NT5DC3: variants seen among roughly 807,000 people sequenced by gnomAD.
NT5DC3 encodes 5'-nucleotidase domain containing 3.
NT5DC3 carries 42 observed loss-of-function variants against 67.8 expected under a neutral mutation model. The observed-to-expected ratio is 0.62, with a 90% CI of 0.48 to 0.80. The LOEUF (loss-of-function observed/expected upper bound fraction) is 0.80, where lower values mean the gene tolerates loss of function less well. Among genes scored for constraint, NT5DC3 ranks in the 30% least tolerant of loss-of-function variants. The pLI, the probability that NT5DC3 is intolerant of heterozygous loss-of-function variation, is 0.00. For missense variants in NT5DC3, 570 were observed against 696.4 expected, an observed-to-expected ratio of 0.82 and a Z score of 2.04; for synonymous variants, 237 against 255.6, an observed-to-expected ratio of 0.93 and a Z score of 0.69.
chr12:103,817,366 T>G (rs1887308361), intron 1 of NT5DC3, among the ~76,000 whole-genome samples: 1 of 152,226 alleles, frequency 6.6e-6, no homozygotes, highest in Admixed American at 6.5e-5. Context: ...TATGACAGTT[T>G]TTTTTTCACC....
intron 12 of NT5DC3, among the ~76,000 whole-genome samples, chr12:103,784,603 A>G (rs1885688158): frequency 6.6e-6 from 1 of 152,178 alleles, no homozygotes; most frequent in Non-Finnish European, 1.5e-5. Context: ...AAATGTCAGC[A>G]CCCATGCTGA....
the NT5DC3 span, among the ~76,000 whole-genome samples, chr12:103,764,195 C>T: frequency 4.3e-3 from 661 of 152,182 alleles, 8 homozygotes; most frequent in African/African-American, 0.015. Context: ...TCAGGTGATA[C>T]GCCCACCTCG....
rs377748867 is a variant in NT5DC3, at chr12:103,785,328, T to A, written c.1329+7A>T. ...AAAAGTGAGAGAGAAAAATAATATA[T>A]CCAAACCTGCATCTGTTCCAATAAG... is the stretch of plus-strand genomic sequence containing the variant. On this transcript the variant is annotated splice_region_variant and intron_variant, in intron 12 of 13. Transcript: ENST00000392876. 3.0e-5 allele frequency: 48 copies of A among 1,613,632 alleles called. No individual in the cohort carries two copies. In the African/African-American group the frequency reaches 5.3e-4, roughly 18 times the overall value.
chr12:103,791,598 T>G (rs1021385756), intron 9 of NT5DC3, among the ~76,000 whole-genome samples: 1 of 152,130 alleles, frequency 6.6e-6, no homozygotes, highest in African/African-American at 2.4e-5. Flanking sequence ...CACACCTAGG[T>G]AGAACATCCC....
chr12:103,796,907 T>A lies in NT5DC3; in HGVS notation c.740A>T (p.Tyr247Phe), dbSNP rs1437357038. The A allele has an allele frequency of 1.2e-6, 2 of 1,614,068 alleles. No individual in the cohort carries two copies. Among genetic ancestry groups the A allele is most frequent in the Non-Finnish European group, 1.7e-6 (2 of 1,180,026 alleles). Residue 247 changes from tyrosine (Y) to phenylalanine (F), a missense_variant, in exon 6 of 14, where the codon TAC becomes TTC. Tyr to Phe is a conservative substitution (Grantham distance 22). Around this residue, in one of 2 missense-constraint regions of NT5DC3, gnomAD observed 466 missense variants for 608.0 expected, o/e 0.77. Coordinates refer to ENST00000392876, the MANE Select transcript of NT5DC3 (RefSeq NM_001031701.3). ...TGTGGATACAACCTTGACATCTTTGTACAGATGCACAGGCTCATAGTCGAT... is the reference window on the plus strand; with the variant it reads ...TGTGGATACAACCTTGACATCTTTGAACAGATGCACAGGCTCATAGTCGAT... ...NNIDYEPVHL[Y>F]KDVKDSIRDV...
At chr12:103,767,038 AAC>A (rs1457359445), downstream of NT5DC3, 2 of 152,084 alleles carry the variant, frequency 1.3e-5, no homozygotes, top group African/African-American at 4.8e-5. Context: ...AAATAAGTTA[AAC>A]ACAGAGTTAC....
chr12:103,830,150 C>T (rs1361157121), intron 1 of NT5DC3, among the ~76,000 whole-genome samples: 3 of 152,164 alleles, frequency 2.0e-5, no homozygotes, highest in Non-Finnish European at 4.4e-5. Flanking sequence ...CCTACCAATC[C>T]TCGGAGACAG....
chr12:103,806,194 G>A (rs1886793158), intron 4 of NT5DC3, 128 bp downstream of exon 4: 1 of 682,320 alleles, frequency 1.5e-6, no homozygotes, highest in Non-Finnish European at 2.7e-6. Flanking sequence ...ATGCTCTTGA[G>A]TAAGTGAGTG....
At chr12:103,816,375 C>A (rs1253031367) in intron 1 of NT5DC3, among the ~76,000 whole-genome samples, 2 of 152,150 alleles carry the variant, frequency 1.3e-5, no homozygotes, top group Non-Finnish European at 2.9e-5. Context: ...TCAGGTATGT[C>A]CAACCTGTAC....
chr12:103,765,751 A>AGGCTGATCTCAAACTCC (rs1884902053), downstream of NT5DC3, among the ~76,000 whole-genome samples: 1 of 151,482 alleles, frequency 6.6e-6, no homozygotes, highest in Non-Finnish European at 1.5e-5. Context: ...CGTGTTGCTC[A>AGGCTGATCTCAAACTCC]GGCTGATCTC....
At chr12:103,753,517 A>G in the NT5DC3 span, among the ~76,000 whole-genome samples, 1 of 152,288 alleles carries the variant, frequency 6.6e-6, no homozygotes, top group South Asian at 2.1e-4. Context: ...TTGGGCATCT[A>G]TTATGTGTCA....
chr12:103,796,915 C>A lies in NT5DC3; in HGVS notation c.732G>T (p.Val244=), dbSNP rs1566108593. 1.2e-6 allele frequency: 2 copies of A among 1,614,148 alleles called. No homozygotes were observed. Among genetic ancestry groups the A allele is most frequent in the African/African-American group, 2.7e-5 (2 of 75,026 alleles). ...FLKNNIDYEP[V]HLYKDVKDSI... ...CAACCTTGACATCTTTGTACAGATG[C>A]ACAGGCTCATAGTCGATGTTGTTCT... Residue 244 remains valine, a synonymous_variant, in exon 6 of 14, where the codon GTG becomes GTT. Transcript: ENST00000392876.
intron 6 of NT5DC3, among the ~76,000 whole-genome samples, chr12:103,794,456 G>A (rs1288897692): frequency 6.6e-6 from 1 of 152,116 alleles, no homozygotes; most frequent in Admixed American, 6.5e-5. Flanking sequence ...AGCCAATTCT[G>A]GTCCATTTTC....
intron 9 of NT5DC3, among the ~76,000 whole-genome samples, chr12:103,791,256 T>A (rs1886046587): frequency 6.6e-6 from 1 of 152,102 alleles, no homozygotes; most frequent in African/African-American, 2.4e-5. Flanking sequence ...TCACTTTTTA[T>A]AAACATAACA....
chr12:103,748,834 G>A, the NT5DC3 span: 15 of 934,890 alleles, frequency 1.6e-5, no homozygotes, highest in African/African-American at 1.7e-4. Context: ...CATGGAGAGA[G>A]AAGCACGAAC....
chr12:103,780,290 C>A lies in NT5DC3; in HGVS notation c.1394+10G>T. The A allele has an allele frequency of 1.9e-6, 3 of 1,612,110 alleles. No individual in the cohort carries two copies. The highest frequency in any genetic ancestry group is 2.5e-6 in the Non-Finnish European group (3 of 1,178,154). On this transcript the variant is annotated intron_variant, in intron 13 of 13. Coordinates refer to ENST00000392876, the MANE Select transcript of NT5DC3 (RefSeq NM_001031701.3). Reference sequence around the variant, plus strand: ...GGTGGACGCGCACATTCAATACAGGCCTCTCTTACCGCATCTCCTTCCTTT... The same window carrying A: ...GGTGGACGCGCACATTCAATACAGGACTCTCTTACCGCATCTCCTTCCTTT...
chr12:103,797,658 G>C (rs879365638), intron 5 of NT5DC3, among the ~76,000 whole-genome samples: 1 of 152,004 alleles, frequency 6.6e-6, no homozygotes, highest in African/African-American at 2.4e-5. Flanking sequence ...AGGAAACACA[G>C]AGGAAAGCCA....
Position 103,839,154 on chromosome 12 carries a change from A to G in NT5DC3, c.208+1795T>C, listed in dbSNP as rs556265476. ...ACACTCTGATCTGTGGCCTGTATCA[A>G]TATATACTGTTGTGATAATGTACTA... is the stretch of plus-strand genomic sequence containing the variant. On this transcript the variant is annotated intron_variant, in intron 1 of 13. Coordinates refer to ENST00000392876, the MANE Select transcript of NT5DC3 (RefSeq NM_001031701.3). Among the ~76,000 whole-genome samples the G allele has an allele frequency of 1.5e-4, 23 of 152,370 alleles. No homozygotes were observed. In the South Asian group the frequency reaches 4.6e-3, roughly 30 times the overall value.
Position 103,797,020 on chromosome 12 carries a change from T to C in NT5DC3, c.627A>G (p.Gly209=). 1 of 1,614,152 alleles carries C rather than the reference T, an allele frequency of 6.2e-7. No individual in the cohort carries two copies. The highest frequency in any genetic ancestry group is 8.5e-7 in the Non-Finnish European group (1 of 1,180,028). ...TGTCCATGAACTGCTTCATCGTGTTTCCATGAGAGCTCTGCAGACAGGGTG... is the reference window on the plus strand; with the variant it reads ...TGTCCATGAACTGCTTCATCGTGTTCCCATGAGAGCTCTGCAGACAGGGTG... ...MSDFYGKSSH[G]NTMKQFMDIF... The change falls in exon 6 of 14, where the codon GGA becomes GGG. Residue 209 remains glycine (G), a synonymous_variant. Coordinates refer to ENST00000392876, the MANE Select transcript of NT5DC3 (RefSeq NM_001031701.3).
Sources: gnomAD v4.1 joint callset for allele counts (sites outside exome capture counted in the v4.1 genomes callset) on GRCh38, gnomAD v4.1.1 for gene constraint, gnomAD v4.1.1 regional missense constraint, MANE v1.5 for transcripts, NCBI Gene and HGNC (gene_info 2026-07-23, HGNC 2026-07-21) for gene names.